YTHDF2: variants seen among roughly 807,000 people sequenced by gnomAD.
YTHDF2 encodes YTH domain-containing family protein 2.
Under a neutral mutation model 50.4 loss-of-function variants are expected in YTHDF2, and 2 were observed. That is an observed-to-expected ratio of 0.04 (90% CI 0.02 to 0.12). YTHDF2 has a LOEUF of 0.12. YTHDF2 is among the 10% of genes least tolerant of loss of function. YTHDF2 has a pLI of 1.00. For missense variants in YTHDF2, 483 were observed against 722.6 expected (o/e 0.67, Z 3.80); for synonymous variants, 217 against 255.6 (o/e 0.85, Z 1.44).
chr1:28,738,379 G>A (rs1381378166), intron 3 of YTHDF2, 41 bp downstream of exon 3: 2 of 1,480,904 alleles, frequency 1.4e-6, no homozygotes, highest in Non-Finnish European at 1.9e-6. Flanking sequence ...GAAGGGTGTG[G>A]TATATTCTTT....
At chr1:28,744,035 A>G in intron 4 of YTHDF2, 49 bp downstream of exon 4, 1 of 1,493,236 alleles carries the variant, frequency 6.7e-7, no homozygotes, top group Non-Finnish European at 8.9e-7. Flanking sequence ...GGAACCAGAG[A>G]GAACAGAAGA....
chr1:28,742,047 C>CTTTTTT lies in YTHDF2; in HGVS notation c.133-348_133-343dup, dbSNP rs67430325. 3.2e-3 allele frequency among the ~76,000 whole-genome samples: 464 copies of CTTTTTT among 143,400 alleles called. 2 individuals are homozygous for CTTTTTT. The highest frequency in any genetic ancestry group is 6.9e-3 in the African/African-American group (269 of 38,740). The allele number at this position is 143,400 out of a possible 152,430, so 94.1% of individuals were successfully genotyped here. A position where few individuals can be genotyped will look rare whatever the true frequency, so the allele number is the denominator to read the frequency against. ...AGGAAATCATCTGATGTGCTGCACACTTTTTTTTTTTTTCCTGGAGATGGA... is the reference window on the plus strand; with the variant it reads ...AGGAAATCATCTGATGTGCTGCACACTTTTTTTTTTTTTTTTTTTCCTGGAGATGGA... On this transcript the variant is annotated intron_variant, in intron 3 of 4. Transcript: ENST00000373812.
chr1:28,746,340 G>A (rs2087860061), intron 4 of YTHDF2, among the ~76,000 whole-genome samples: 1 of 152,112 alleles, frequency 6.6e-6, no homozygotes, highest in Non-Finnish European at 1.5e-5. Flanking sequence ...GCACAGCATA[G>A]TTGTTAAGAT....
rs549118209 is a variant in YTHDF2, at chr1:28,767,005, A to ATTTT, written c.1717-1910_1717-1907dup. 6.8e-3 allele frequency among the ~76,000 whole-genome samples: 901 copies of ATTTT among 131,908 alleles called. 19 individuals are homozygous for ATTTT. Among genetic ancestry groups the ATTTT allele is most frequent in the African/African-American group, 0.023 (786 of 34,638 alleles). 86.5% of individuals were successfully genotyped at this position (131,908 alleles called of 152,430 possible). On this transcript the variant is annotated intron_variant, in intron 4 of 4. Transcript: ENST00000373812. ...TGCCACCACCATGCCTAATTAAAAG[A>ATTTT]TTTTTTTTTTTTTTTTTGTAGAGAC...
chr1:28,756,050 G>A (rs1226459709), intron 4 of YTHDF2, among the ~76,000 whole-genome samples: 2 of 152,142 alleles, frequency 1.3e-5, no homozygotes, highest in African/African-American at 4.8e-5. Flanking sequence ...TTAGAGACTT[G>A]AAAGTTTTGA....
chr1:28,749,778 G>T (rs2087921355), intron 4 of YTHDF2, among the ~76,000 whole-genome samples: 1 of 151,976 alleles, frequency 6.6e-6, no homozygotes, highest in African/African-American at 2.4e-5. Flanking sequence ...GACTTAATTG[G>T]GTACTTGGGT....
chr1:28,755,575 A>G (rs2088025064), intron 4 of YTHDF2, among the ~76,000 whole-genome samples: 1 of 152,224 alleles, frequency 6.6e-6, no homozygotes, highest in African/African-American at 2.4e-5. Flanking sequence ...GCGTGGTTCT[A>G]GAGCCAACAC....
chr1:28,749,109 G>T (rs890159734), intron 4 of YTHDF2, among the ~76,000 whole-genome samples: 2 of 148,268 alleles, frequency 1.3e-5, no homozygotes, highest in African/African-American at 2.5e-5. Context: ...TTCCTGAAAA[G>T]TTTTGTTGAG....
At chr1:28,751,022 G>A (rs952652833) in intron 4 of YTHDF2, among the ~76,000 whole-genome samples, 1 of 146,134 alleles carries the variant, frequency 6.8e-6, no homozygotes, top group Non-Finnish European at 1.5e-5. Flanking sequence ...GAACTTGGGA[G>A]ATGGAGGTTG....
rs1392716013 is a variant in YTHDF2, at chr1:28,753,356, TCCAAAAAAAAAAAAAAAAAAAAAAA to T, written c.1716+9371_1716+9395del. On this transcript the variant is annotated intron_variant, in intron 4 of 4. Coordinates refer to ENST00000373812, the MANE Select transcript of YTHDF2 (RefSeq NM_016258.3). ...AGGCAACATAATGAAATCCTGCCTCTCCAAAAAAAAAAAAAAAAAAAAAAAAAAAAAAAAAAAAAAAATCAGCCAG... is the reference window on the plus strand; with the variant it reads ...AGGCAACATAATGAAATCCTGCCTCTAAAAAAAAAAAAAAAAATCAGCCAG... Among the ~76,000 whole-genome samples, 17 of 42,562 alleles carry T rather than the reference TCCAAAAAAAAAAAAAAAAAAAAAAA, an allele frequency of 4.0e-4. 1 individual carries two copies. The East Asian group carries it at 7.4e-3, about 19-fold the overall frequency. 27.9% of individuals were successfully genotyped at this position (42,562 alleles called of 152,430 possible).
intron 4 of YTHDF2, among the ~76,000 whole-genome samples, chr1:28,744,415 A>G (rs916024553): frequency 1.3e-5 from 2 of 152,228 alleles, no homozygotes; most frequent in African/African-American, 2.4e-5. Flanking sequence ...GTTATTTTCA[A>G]GAGTCAATAT....
chr1:28,759,921 G>A (rs368560107), intron 4 of YTHDF2, among the ~76,000 whole-genome samples: 1 of 152,172 alleles, frequency 6.6e-6, no homozygotes, highest in Admixed American at 6.5e-5. Context: ...GAGCCACTGT[G>A]CTCCAGCGTG....
At position 28,743,804 on chromosome 1, in the gene YTHDF2, C is replaced by T. The variant is rs1227636038; in HGVS notation, c.1534C>T (p.His512Tyr). The change falls in exon 4 of 5, where the codon CAC (histidine) becomes TAC (tyrosine). Residue 512 changes from histidine to tyrosine, a missense_variant. This residue lies in a region of YTHDF2 where 59 missense variants were observed against 168.9 expected (regional missense o/e 0.35). Coordinates refer to ENST00000373812, the MANE Select transcript of YTHDF2 (RefSeq NM_016258.3). The surrounding 1 kb of genome is among the most constrained non-coding windows in gnomAD (Gnocchi z 6.9). ...GGACGTTCCCAATAGCCAACTGCGA[C>T]ACATTCGCCTAGAGAACAACGAGAA... ...VKDVPNSQLR[H>Y]IRLENNENKP... The T allele has an allele frequency of 6.2e-7, 1 of 1,613,318 alleles. No individual in the cohort carries two copies. Among genetic ancestry groups the T allele is most frequent in the Non-Finnish European group, 8.5e-7 (1 of 1,179,658 alleles).
chr1:28,749,764 G>A (rs201304181), intron 4 of YTHDF2, among the ~76,000 whole-genome samples: 1 of 44,664 alleles, frequency 2.2e-5, no homozygotes, highest in Admixed American at 2.7e-4. Flanking sequence ...AGAAAAAAAA[G>A]GTAGACTTAA....
intron 3 of YTHDF2, among the ~76,000 whole-genome samples, chr1:28,740,726 T>C (rs1337641173): frequency 6.6e-6 from 1 of 152,130 alleles, no homozygotes; most frequent in Non-Finnish European, 1.5e-5. Flanking sequence ...ATTTTTGAGA[T>C]AGAGTCTCAC....
chr1:28,756,156 A>G (rs2088032939), intron 4 of YTHDF2, among the ~76,000 whole-genome samples: 1 of 152,196 alleles, frequency 6.6e-6, no homozygotes, highest in African/African-American at 2.4e-5. Flanking sequence ...TTAAAGAGCT[A>G]TTATAAAGCT....
At chr1:28,739,335 C>T (rs528576568) in intron 3 of YTHDF2, 14 of 141,048 alleles carry the variant, frequency 9.9e-5, no homozygotes, top group African/African-American at 2.4e-4. Context: ...TTTTTTGAGA[C>T]GTAGTGTCAA....
chr1:28,741,631 A>G (rs2087778181), intron 3 of YTHDF2, among the ~76,000 whole-genome samples: 1 of 152,136 alleles, frequency 6.6e-6, no homozygotes, highest in Non-Finnish European at 1.5e-5. Flanking sequence ...ACCACTGTGC[A>G]TTTCCTTTTC....
At chr1:28,755,755 A>G (rs372557339) in intron 4 of YTHDF2, among the ~76,000 whole-genome samples, 2 of 152,226 alleles carry the variant, frequency 1.3e-5, no homozygotes, top group Non-Finnish European at 2.9e-5. Context: ...GAAATGCCCC[A>G]AAGTCTGAAA....
Sources: gnomAD v4.1 joint callset for allele counts (sites outside exome capture counted in the v4.1 genomes callset) on GRCh38, gnomAD v4.1.1 for gene constraint, gnomAD v4.1.1 regional missense constraint, Gnocchi (gnomAD v3.1) non-coding constraint, MANE v1.5 for transcripts, NCBI Gene and HGNC (gene_info 2026-07-23, HGNC 2026-07-21) for gene names.